Variants in ZNF629 observed in about 807,000 individuals in gnomAD.
The protein encoded by ZNF629 is DNA-binding protein.
Under a neutral mutation model 59.7 loss-of-function variants are expected in ZNF629, and 9 were observed. That is an observed-to-expected ratio of 0.15 (90% CI 0.09 to 0.26). The LOEUF is 0.26. ZNF629 is among the 10% of genes least tolerant of loss of function. The pLI is 1.00. For missense variants in ZNF629, 853 were observed against 1,165.4 expected (o/e 0.73, Z 3.90); for synonymous variants, 509 against 498.9 (o/e 1.02, Z -0.27).
intron 1 of ZNF629, 116 bp from the exon 2 acceptor site, chr16:30,784,631 G>A (rs2054316841): frequency 3.8e-6 from 3 of 780,278 alleles, no homozygotes; most frequent in Non-Finnish European, 5.9e-6. Flanking sequence ...GTGAACTTCA[G>A]TGTCCTCCCA....
At position 30,783,107 on chromosome 16, in the gene ZNF629, G is replaced by A. The variant is rs2054299062; in HGVS notation, c.1221C>T (p.Cys407=). The change falls in exon 3 of 3, where the codon TGC becomes TGT. Residue 407 remains cysteine, a synonymous_variant. Transcript: ENST00000262525. The part of the protein sequence containing the change: ...TGERPYKCPE[C]GKSFSVSSNL... ...TGGAGCTGACGCTGAAGCTCTTGCC[G>A]CACTCTGGGCACTTGTAGGGCCGCT... The A allele has an allele frequency of 1.9e-6, 3 of 1,613,960 alleles. No homozygotes were observed. Among genetic ancestry groups the A allele is most frequent in the African/African-American group, 2.7e-5 (2 of 74,940 alleles).
In ZNF629 at chr16:30,786,930, C is replaced by G. The variant is rs1249520574; in HGVS notation, c.-34+98G>C. ...CGGGCGCGGGTGGGGGGCTCAGGCC[C>G]GGGCTCCCGGCCCCCGCCTCCCGGG... is the stretch of plus-strand genomic sequence containing the variant. On this transcript the variant is annotated intron_variant, in intron 1 of 2. Coordinates refer to ENST00000262525, the MANE Select transcript of ZNF629 (RefSeq NM_001080417.3). This position sits in a 1 kb window ranked among gnomAD's most constrained non-coding sequence, Gnocchi z 4.8. The G allele has an allele frequency of 6.6e-6, 1 of 151,996 alleles. No homozygotes were observed. Among genetic ancestry groups the G allele is most frequent in the Admixed American group, 6.5e-5 (1 of 15,274 alleles). The allele number at this position is 151,996 out of a possible 1,614,324, so 9.4% of individuals were successfully genotyped here. A position where few individuals can be genotyped will look rare whatever the true frequency, so the allele number is the denominator to read the frequency against.
At chr16:30,784,349 C>T (rs2054312493) in intron 2 of ZNF629, 61 bp downstream of exon 2, 3 of 1,545,048 alleles carry the variant, frequency 1.9e-6, no homozygotes, top group Admixed American at 2.0e-5. Flanking sequence ...AGAGTCCAGG[C>T]CCCTCCCTGA....
chr16:30,782,306 G>A lies in ZNF629; in HGVS notation c.2022C>T (p.Arg674=). The A allele has an allele frequency of 6.2e-7, 1 of 1,610,890 alleles. No individual in the cohort carries two copies. Residue 674 remains arginine (R), a synonymous_variant, in exon 3 of 3, where the codon CGC becomes CGT. Coordinates refer to ENST00000262525, the MANE Select transcript of ZNF629 (RefSeq NM_001080417.3). The stretch of plus-strand genomic sequence containing the variant: ...TGAGCTGATGCTGGAGGAGCACAGA[G>A]CGATCCAGGAAGCTCTCTCCGCAGT... The part of the protein sequence containing the change: ...CSHCGESFLD[R]SVLLQHQLTH...
rs776368885 is a variant in ZNF629 at position 30,783,617 on chromosome 16, C to G, written c.711G>C (p.Thr237=). 1 of 1,602,544 alleles carries G rather than the reference C, an allele frequency of 6.2e-7. No homozygotes were observed. Among genetic ancestry groups the G allele is most frequent in the Non-Finnish European group, 8.5e-7 (1 of 1,175,886 alleles). ...THTGEKPYKC[T]ECEKAFTQST... is the part of the protein sequence containing the mutation. ...TCTGGGTGAAGGCTTTCTCGCACTC[C>G]GTGCACTTGTAGGGCTTCTCTCCCG... The change falls in exon 3 of 3, where the codon ACG becomes ACC. Residue 237 remains threonine (T), a synonymous_variant. Coordinates refer to ENST00000262525, the MANE Select transcript of ZNF629 (RefSeq NM_001080417.3).
At position 30,782,213 on chromosome 16, in the gene ZNF629, G is replaced by C. The variant is rs377183802; in HGVS notation, c.2115C>G (p.Pro705=). 8 of 1,613,592 alleles carry C rather than the reference G, an allele frequency of 5.0e-6. No homozygotes were observed. Among genetic ancestry groups the C allele is most frequent in the Non-Finnish European group, 6.8e-6 (8 of 1,179,882 alleles). The change falls in exon 3 of 3, where the codon CCC becomes CCG. Residue 705 remains proline (P), a synonymous_variant. Coordinates refer to ENST00000262525, the MANE Select transcript of ZNF629 (RefSeq NM_001080417.3). The part of the protein sequence containing the change: ...YRIGLGEGAG[P]SPFLSGKPFK... ...AGGGCTTCCCACTTAAGAAGGGGCT[G>C]GGCCCTGCGCCTTCCCCTAGGCCAA...
rs1227727840 is a variant in ZNF629, at chr16:30,782,285, C to A, written c.2043G>T (p.Gln681His). 1 of 1,612,514 alleles carries A rather than the reference C, an allele frequency of 6.2e-7. No homozygotes were observed. ...FLDRSVLLQH[Q>H]LTHGNEKPFL... The stretch of plus-strand genomic sequence containing the variant: ...AGGGCTTTTCGTTGCCGTGGGTGAG[C>A]TGATGCTGGAGGAGCACAGAGCGAT... Residue 681 changes from glutamine to histidine, a missense_variant, in exon 3 of 3, where the codon CAG (glutamine) becomes CAT (histidine). Gln to His is a conservative substitution (Grantham distance 24). Coordinates refer to ENST00000262525, the MANE Select transcript of ZNF629 (RefSeq NM_001080417.3).
chr16:30,782,095 T>TCTTCTGGGAGCTCTTCCCG lies in ZNF629; in HGVS notation c.2214_2232dup (p.Ser745ArgfsTer77). 6.3e-7 allele frequency: 1 copy of TCTTCTGGGAGCTCTTCCCG among 1,596,920 alleles called. No homozygotes were observed. The highest frequency in any genetic ancestry group is 8.5e-7 in the Non-Finnish European group (1 of 1,171,470). ...GAAGAGCTCTTCCCCAGCTCTGGAC[T>TCTTCTGGGAGCTCTTCCCG]CTTCTGGGAGCTCTTCCCGCCTGCA... On this transcript the variant is annotated frameshift_variant, in exon 3 of 3. Transcript: ENST00000262525. LOFTEE classifies it high-confidence loss of function.
Position 30,782,059 on chromosome 16 carries a change from C to T in ZNF629, c.2269G>A (p.Glu757Lys). 1.3e-6 allele frequency: 2 copies of T among 1,574,494 alleles called. No homozygotes were observed. The highest frequency in any genetic ancestry group is 1.7e-6 in the Non-Finnish European group (2 of 1,160,542). ...ELGKSSSVLLEHLRSPLGARP... is the reference protein window; with the variant it reads ...ELGKSSSVLLKHLRSPLGARP... ...GCCCCCAGGGGGCTCCTGAGATGCTCCAGGAGGACGGAAGAGCTCTTCCCC... is the reference window on the plus strand; with the variant it reads ...GCCCCCAGGGGGCTCCTGAGATGCTTCAGGAGGACGGAAGAGCTCTTCCCC... The change falls in exon 3 of 3, where the codon GAG becomes AAG. Residue 757 changes from glutamate to lysine, a missense_variant. Glu to Lys is a moderately conservative substitution (Grantham distance 56). Around this residue, in one of 3 missense-constraint regions of ZNF629, gnomAD observed 420 missense variants for 435.6 expected, o/e 0.96. Coordinates refer to ENST00000262525, the MANE Select transcript of ZNF629 (RefSeq NM_001080417.3).
In ZNF629 at chr16:30,782,086, G is replaced by C. The variant is rs1390877323; in HGVS notation, c.2242C>G (p.Leu748Val). 2 of 1,593,540 alleles carry C rather than the reference G, an allele frequency of 1.3e-6. No homozygotes were observed. Among genetic ancestry groups the C allele is most frequent in the African/African-American group, 1.3e-5 (1 of 74,212 alleles). ...AGGAGGACGGAAGAGCTCTTCCCCA[G>C]CTCTGGACTCTTCTGGGAGCTCTTC... ...GGKSSQKSPELGKSSSVLLEH... is the reference protein window; with the variant it reads ...GGKSSQKSPEVGKSSSVLLEH... The change falls in exon 3 of 3, where the codon CTG (leucine) becomes GTG (valine). Residue 748 changes from leucine (L) to valine (V), a missense_variant. Coordinates refer to ENST00000262525, the MANE Select transcript of ZNF629 (RefSeq NM_001080417.3).
In ZNF629 at chr16:30,778,802, G is replaced by C. The variant is rs145997706; in HGVS notation, c.*2916C>G. The C allele has an allele frequency of 4.1e-4, 62 of 152,760 alleles. No homozygotes were observed. The highest frequency in any genetic ancestry group is 1.5e-3 in the African/African-American group (62 of 41,562). 9.5% of individuals were successfully genotyped at this position (152,760 alleles called of 1,614,324 possible). On this transcript the variant is annotated 3_prime_UTR_variant, in exon 3 of 3. Coordinates refer to ENST00000262525, the MANE Select transcript of ZNF629 (RefSeq NM_001080417.3). The stretch of plus-strand genomic sequence containing the variant: ...CTGACTCCCTGACCCTATCTGTTGG[G>C]CTCCTCCCTCCACCAGGGCGTTTCT...
At position 30,781,867 on chromosome 16, in the gene ZNF629, G is replaced by T; in HGVS notation, c.2461C>A (p.Pro821Thr). 6.3e-7 allele frequency: 1 copy of T among 1,577,408 alleles called. No individual in the cohort carries two copies. The highest frequency in any genetic ancestry group is 8.6e-7 in the Non-Finnish European group (1 of 1,159,128). ...DQEGEGETPT[P>T]TESSSHGEGQ... ...TCCCCATGGCTGCTGCTCTCTGTGGGGGTAGGGGTCTCGCCCTCACCTTCC... is the reference window on the plus strand; with the variant it reads ...TCCCCATGGCTGCTGCTCTCTGTGGTGGTAGGGGTCTCGCCCTCACCTTCC... Residue 821 changes from proline (P) to threonine (T), a missense_variant, in exon 3 of 3, where the codon CCC becomes ACC. Physicochemically the swap from Pro to Thr is conservative, Grantham distance 38 (BLOSUM62 -1). Transcript: ENST00000262525.
chr16:30,780,006 C>T lies in ZNF629; in HGVS notation c.*1712G>A, dbSNP rs2054267235. On this transcript the variant is annotated 3_prime_UTR_variant, in exon 3 of 3. Coordinates refer to ENST00000262525, the MANE Select transcript of ZNF629 (RefSeq NM_001080417.3). ...CCACCATCTCATAGGGCAACAGTCT[C>T]TCCCCAGCCACATATGCCCAGGCCT... 1 of 152,656 alleles carries T rather than the reference C, an allele frequency of 6.6e-6. No homozygotes were observed. Among genetic ancestry groups the T allele is most frequent in the African/African-American group, 2.4e-5 (1 of 41,442 alleles). 9.5% of individuals were successfully genotyped at this position (152,656 alleles called of 1,614,324 possible).
Position 30,783,010 on chromosome 16 carries a change from T to C in ZNF629, c.1318A>G (p.Ile440Val). 6.2e-7 allele frequency: 1 copy of C among 1,613,742 alleles called. No homozygotes were observed. Among genetic ancestry groups the C allele is most frequent in the Non-Finnish European group, 8.5e-7 (1 of 1,179,922 alleles). The change falls in exon 3 of 3, where the codon ATC becomes GTC. Residue 440 changes from isoleucine (I) to valine (V), a missense_variant. Ile to Val is a conservative substitution (Grantham distance 29, BLOSUM62 3). Coordinates refer to ENST00000262525, the MANE Select transcript of ZNF629 (RefSeq NM_001080417.3). The stretch of plus-strand genomic sequence containing the variant: ...TGGCGGATAAGGGTGGAGCTCATGA[T>C]GAAGCTCTTGCCGCAGTCGGCGCAG... ...YICADCGKSF[I>V]MSSTLIRHQR...
At position 30,784,530 on chromosome 16, in the gene ZNF629, A is replaced by G. The variant is rs2054315741; in HGVS notation, c.-33-15T>C. 1.3e-6 allele frequency: 2 copies of G among 1,493,200 alleles called. No individual in the cohort carries two copies. Among genetic ancestry groups the G allele is most frequent in the Admixed American group, 2.3e-5 (1 of 42,678 alleles). The allele number at this position is 1,493,200 out of a possible 1,614,324, so 92.5% of individuals were successfully genotyped here. A position where few individuals can be genotyped will look rare whatever the true frequency, so the allele number is the denominator to read the frequency against. On this transcript the variant is annotated splice_polypyrimidine_tract_variant and intron_variant, in intron 1 of 2. Coordinates refer to ENST00000262525, the MANE Select transcript of ZNF629 (RefSeq NM_001080417.3). The stretch of plus-strand genomic sequence containing the variant: ...TTCCAGGGACCCTGCGGGGGAAGAC[A>G]GCGATGAGCGCACACTGGGAGCTGA...
chr16:30,782,439 G>A lies in ZNF629; in HGVS notation c.1889C>T (p.Ala630Val), dbSNP rs759185714. 7 of 1,565,360 alleles carry A rather than the reference G, an allele frequency of 4.5e-6. No individual in the cohort carries two copies. The highest frequency in any genetic ancestry group is 4.1e-5 in the African/African-American group (3 of 73,710). ...PFRGNSYPGA[A>V]EGRAEAPGQP... ...TCCGGGGGCCTCCGCTCTGCCCTCC[G>A]CAGCCCCGGGGTAGGAATTCCCTCT... The change falls in exon 3 of 3, where the codon GCG becomes GTG. Residue 630 changes from alanine to valine, a missense_variant. Ala to Val is a moderately conservative substitution (Grantham distance 64). Coordinates refer to ENST00000262525, the MANE Select transcript of ZNF629 (RefSeq NM_001080417.3).
chr16:30,782,420 G>T lies in ZNF629; in HGVS notation c.1908C>A (p.Ala636=). ...CCGGCGGCTTAAGGGGCTGTCCGGG[G>T]GCCTCCGCTCTGCCCTCCGCAGCCC... is the stretch of plus-strand genomic sequence containing the variant. ...YPGAAEGRAE[A]PGQPLKPPEG... is the part of the protein sequence containing the mutation. Residue 636 remains alanine, a synonymous_variant, in exon 3 of 3, where the codon GCC becomes GCA. Coordinates refer to ENST00000262525, the MANE Select transcript of ZNF629 (RefSeq NM_001080417.3). 3 of 1,566,628 alleles carry T rather than the reference G, an allele frequency of 1.9e-6. No individual in the cohort carries two copies. The highest frequency in any genetic ancestry group is 2.6e-6 in the Non-Finnish European group (3 of 1,155,370).
chr16:30,781,975 G>T lies in ZNF629; in HGVS notation c.2353C>A (p.Arg785=). The T allele has an allele frequency of 6.4e-7, 1 of 1,555,794 alleles. No individual in the cohort carries two copies. The highest frequency in any genetic ancestry group is 8.7e-7 in the Non-Finnish European group (1 of 1,151,772). Residue 785 remains arginine, a synonymous_variant, in exon 3 of 3, where the codon CGG becomes AGG. Coordinates refer to ENST00000262525, the MANE Select transcript of ZNF629 (RefSeq NM_001080417.3). ...ASFLDRVALT[R]HQETHTQEKP... ...TCCTGGGTGTGGGTTTCTTGGTGCC[G>T]GGTGAGGGCCACGCGGTCGAGGAAG...
In ZNF629 at chr16:30,782,251, G is replaced by A. The variant is rs534157296; in HGVS notation, c.2077C>T (p.Pro693Ser). The change falls in exon 3 of 3, where the codon CCT becomes TCT. Residue 693 changes from proline (P) to serine (S), a missense_variant. Transcript: ENST00000262525. ...THGNEKPFLF[P>S]DYRIGLGEGA... The stretch of plus-strand genomic sequence containing the variant: ...TCCCCTAGGCCAATTCTATAATCAG[G>A]AAAGAGAAAGGGCTTTTCGTTGCCG... 1.2e-6 allele frequency: 2 copies of A among 1,613,568 alleles called. No individual in the cohort carries two copies. The highest frequency in any genetic ancestry group is 2.2e-5 in the South Asian group (2 of 91,076).
Sources: allele counts gnomAD v4.1 joint callset, GRCh38; gene constraint gnomAD v4.1.1; regional missense constraint gnomAD v4.1.1; non-coding constraint Gnocchi (gnomAD v3.1); transcripts MANE v1.5; gene names NCBI Gene and HGNC (gene_info 2026-07-23, HGNC 2026-07-21).